The following SNX4 variants were observed in gnomAD, a reference collection of about 807,000 sequenced individuals.
SNX4 encodes sorting nexin-4.
SNX4 carries 49 observed loss-of-function variants against 70.8 expected under a neutral mutation model. That is an observed-to-expected ratio of 0.69 (90% confidence interval 0.55 to 0.88). The LOEUF (loss-of-function observed/expected upper bound fraction) is 0.88, where lower values mean the gene tolerates loss of function less well. Among genes scored for constraint, SNX4 ranks in the 40% least tolerant of loss-of-function variants. The probability of loss-of-function intolerance (pLI) is 0.00; values close to 1 mark genes in which losing one functional copy is unlikely to be tolerated. For synonymous variants in SNX4, 206 were observed against 183.8 expected (o/e 1.12, Z -0.98); for missense variants, 528 against 544.8 (o/e 0.97, Z 0.31).
chr3:125,480,116 A>G (rs2107545308), intron 7 of SNX4, 131 bp downstream of exon 7: 1 of 479,378 alleles, frequency 2.1e-6, no homozygotes, highest in East Asian at 3.4e-5. Flanking sequence ...AGTTTGGATG[A>G]TGAACATATA....
chr3:125,467,084 C>CAG (rs1451069168), intron 9 of SNX4, among the ~76,000 whole-genome samples: 4,633 of 74,564 alleles, frequency 0.062, 206 homozygotes, highest in African/African-American at 0.13. Context: ...CTCTGTCTTC[C>CAG]AAAAAAAAAA....
rs1375035546 is a variant in SNX4, at chr3:125,497,490, GGA to G, written c.550-104_550-103del. ...TTCTGTTCTTACTTCAGCAGGAATT[GGA>G]GAGAGAAGTTTAAAAAAATTTCTTT... On this transcript the variant is annotated intron_variant, in intron 4 of 13. Coordinates refer to ENST00000251775, the MANE Select transcript of SNX4 (RefSeq NM_003794.4). 2.9e-5 allele frequency: 23 copies of G among 788,196 alleles called. No homozygotes were observed. In the Admixed American group the frequency reaches 4.0e-4, roughly 14 times the overall value. The allele number at this position is 788,196 out of a possible 1,614,324, so 48.8% of individuals were successfully genotyped here. A position where few individuals can be genotyped will look rare whatever the true frequency, so the allele number is the denominator to read the frequency against.
chr3:125,499,387 G>A (rs1934876419), intron 2 of SNX4, among the ~76,000 whole-genome samples: 1 of 152,072 alleles, frequency 6.6e-6, no homozygotes, highest in Non-Finnish European at 1.5e-5. Context: ...TCTAGAGAAA[G>A]TATTTACATC....
intron 8 of SNX4, among the ~76,000 whole-genome samples, chr3:125,474,842 C>CT (rs869112028): frequency 2.2e-5 from 1 of 46,326 alleles, no homozygotes; most frequent in African/African-American, 9.5e-5. Flanking sequence ...TATGTTAATT[C>CT]CCCCCCACAT....
chr3:125,497,368 A>G lies in SNX4; in HGVS notation c.570T>C (p.Thr190=). ...FLTQEGNWKE[T]VNETGFQLKA... The stretch of plus-strand genomic sequence containing the variant: ...TCAGCTGAAACCCAGTTTCATTCAC[A>G]GTCTCCTTCCAGTTACCTTCCTAAA... The change falls in exon 5 of 14, where the codon ACT becomes ACC. Residue 190 remains threonine, a synonymous_variant. Coordinates refer to ENST00000251775, the MANE Select transcript of SNX4 (RefSeq NM_003794.4). The G allele has an allele frequency of 6.2e-7, 1 of 1,607,508 alleles. No individual in the cohort carries two copies. The highest frequency in any genetic ancestry group is 8.5e-7 in the Non-Finnish European group (1 of 1,174,790).
At chr3:125,474,920 T>C (rs1934257499) in intron 8 of SNX4, among the ~76,000 whole-genome samples, 1 of 152,200 alleles carries the variant, frequency 6.6e-6, no homozygotes, top group East Asian at 1.9e-4. Flanking sequence ...GGTTCCAGTT[T>C]GAGTAATACT....
chr3:125,466,586 T>A (rs1198959672), intron 9 of SNX4, among the ~76,000 whole-genome samples: 1 of 152,140 alleles, frequency 6.6e-6, no homozygotes, highest in Non-Finnish European at 1.5e-5. Context: ...CCAGAATCTA[T>A]AAGGAACTTA....
chr3:125,514,137 G>A (rs922265664), intron 1 of SNX4, among the ~76,000 whole-genome samples: 3 of 151,866 alleles, frequency 2.0e-5, no homozygotes, highest in Admixed American at 1.3e-4. Flanking sequence ...ATCACAATGG[G>A]ATTAGGTTTC....
Position 125,453,833 on chromosome 3 carries a change from T to C in SNX4, c.1167A>G (p.Leu389=), listed in dbSNP as rs748666866. 2.5e-6 allele frequency: 4 copies of C among 1,613,962 alleles called. No homozygotes were observed. Among genetic ancestry groups the C allele is most frequent in the Non-Finnish European group, 8.5e-7 (1 of 1,179,978 alleles). The change falls in exon 12 of 14, where the codon CTA becomes CTG. Residue 389 remains leucine (L), a synonymous_variant. Transcript: ENST00000251775. The part of the protein sequence containing the change: ...EEQINEGEQQ[L]KSKNLEGREF... ...ACCTGCCTTCCAGATTTTTAGACTT[T>C]AGCTGTTGTTCTCCTTCATTTATTT... is the stretch of plus-strand genomic sequence containing the variant.
chr3:125,478,779 C>T (rs928399184), intron 7 of SNX4, among the ~76,000 whole-genome samples: 2 of 151,872 alleles, frequency 1.3e-5, no homozygotes, highest in Admixed American at 6.6e-5. Context: ...TGTGAGGGTA[C>T]GATGCAGACT....
At chr3:125,475,673 T>G (rs1013463119) in intron 8 of SNX4, among the ~76,000 whole-genome samples, 20 of 152,112 alleles carry the variant, frequency 1.3e-4, no homozygotes, top group African/African-American at 4.3e-4. Context: ...CTGAGAAAAT[T>G]TTTTAATAAT....
At chr3:125,519,048 G>A (rs1390066243) in intron 1 of SNX4, among the ~76,000 whole-genome samples, 1 of 151,804 alleles carries the variant, frequency 6.6e-6, no homozygotes, top group African/African-American at 2.4e-5. Context: ...TAATTTAGCC[G>A]TGCGTGGTGG....
chr3:125,463,392 T>C (rs1401219532), intron 9 of SNX4, among the ~76,000 whole-genome samples: 4 of 152,122 alleles, frequency 2.6e-5, no homozygotes, highest in African/African-American at 9.7e-5. Flanking sequence ...AAACACAGTG[T>C]AGGGAGAAAC....
At chr3:125,512,435 G>C (rs1935190435) in intron 1 of SNX4, among the ~76,000 whole-genome samples, 2 of 152,110 alleles carry the variant, frequency 1.3e-5, no homozygotes, top group Admixed American at 6.5e-5. Flanking sequence ...TATCATAAAA[G>C]CTAAAGAATA....
intron 7 of SNX4, among the ~76,000 whole-genome samples, chr3:125,479,460 C>G (rs1934355577): frequency 6.6e-6 from 1 of 152,096 alleles, no homozygotes; most frequent in South Asian, 2.1e-4. Context: ...GAGGCTGAGG[C>G]AGGAGAACTG....
In SNX4 at chr3:125,471,835, C is replaced by A. The variant is rs941821317; in HGVS notation, c.789-2316G>T. 1.1e-4 allele frequency among the ~76,000 whole-genome samples: 17 copies of A among 152,262 alleles called. No individual in the cohort carries two copies. The East Asian group carries it at 3.1e-3, about 28-fold the overall frequency. On this transcript the variant is annotated intron_variant, in intron 8 of 13. Coordinates refer to ENST00000251775, the MANE Select transcript of SNX4 (RefSeq NM_003794.4). ...GAGCATGAAACTAGTCCTATAAGCC[C>A]CTATGGGGAATAGCCCTTTTTTAGG...
intron 1 of SNX4, among the ~76,000 whole-genome samples, chr3:125,512,772 C>CTT (rs35641181): frequency 3.5e-5 from 5 of 142,662 alleles, no homozygotes; most frequent in East Asian, 2.0e-4. Flanking sequence ...GATACAACAA[C>CTT]TTTTTTTTTT....
chr3:125,504,833 A>C, intron 1 of SNX4, 89 bp from the exon 2 acceptor site: 1 of 1,418,436 alleles, frequency 7.1e-7, no homozygotes, highest in East Asian at 2.4e-5. Context: ...TAAACCCATT[A>C]TTGGGTTTAT....
chr3:125,502,845 C>G (rs1934960888), intron 2 of SNX4, among the ~76,000 whole-genome samples: 1 of 117,744 alleles, frequency 8.5e-6, no homozygotes, highest in African/African-American at 4.0e-5. Flanking sequence ...CAGAGTGAGA[C>G]TCCATCTCAA....
Sources: allele counts gnomAD v4.1 joint callset (sites outside exome capture counted in the v4.1 genomes callset), GRCh38; gene constraint gnomAD v4.1.1; transcripts MANE v1.5; gene names NCBI Gene and HGNC (gene_info 2026-07-23, HGNC 2026-07-21).